RIMBP2: variants seen among roughly 807,000 people sequenced by gnomAD.
RIMBP2 encodes RIMS-binding protein 2.
In RIMBP2, 48 loss-of-function variants were observed where a neutral mutation model predicts 118.6. The ratio of observed to expected loss-of-function variants is 0.40; its 90% CI spans 0.32 to 0.51. RIMBP2 has a LOEUF of 0.51. RIMBP2 is among the 20% of genes least tolerant of loss of function. The pLI, the probability that RIMBP2 is intolerant of heterozygous loss-of-function variation, is 0.41. For missense variants in RIMBP2, 1,551 were observed against 1,768.3 expected (o/e 0.88, Z 2.20); for synonymous variants, 762 against 742.9 (o/e 1.03, Z -0.42).
chr12:130,687,465 T>G (rs2065109013), intron 1 of RIMBP2, among the ~76,000 whole-genome samples: 8 of 152,160 alleles, frequency 5.3e-5, no homozygotes, highest in Admixed American at 5.2e-4. Context: ...GTATAATTAT[T>G]TTTATAAACT....
At chr12:130,522,450 T>C (rs1022325660) in intron 2 of RIMBP2, among the ~76,000 whole-genome samples, 4 of 152,354 alleles carry the variant, frequency 2.6e-5, no homozygotes, top group Non-Finnish European at 5.9e-5. Context: ...GGACGGGAAC[T>C]GGCCCTGACA....
intron 5 of RIMBP2, among the ~76,000 whole-genome samples, chr12:130,477,040 T>C (rs916593454): frequency 2.6e-5 from 4 of 152,202 alleles, no homozygotes; most frequent in Non-Finnish European, 4.4e-5. Flanking sequence ...AAAAACTACA[T>C]CAAAGCCTCT....
rs575686862 is a variant in RIMBP2, at chr12:130,434,611, G to A, written c.2253+123C>T. 71 of 1,034,962 alleles carry A rather than the reference G, an allele frequency of 6.9e-5. No homozygotes were observed. Among genetic ancestry groups the A allele is most frequent in the Middle Eastern group, 3.3e-4 (1 of 2,990 alleles). 64.1% of individuals were successfully genotyped at this position (1,034,962 alleles called of 1,614,324 possible). A position where few individuals can be genotyped will look rare whatever the true frequency, so the allele number is the denominator to read the frequency against. On this transcript the variant is annotated intron_variant, in intron 14 of 22. Coordinates refer to ENST00000690449, the MANE Select transcript of RIMBP2 (RefSeq NM_001393629.1). This position sits in a 1 kb window ranked among gnomAD's most constrained non-coding sequence, Gnocchi z 5.7. ...GCACGACTTAGGACCCCAGCTGGGCGTCTCCATCTCTCTCAGGGACCCAAG... is the reference window on the plus strand; with the variant it reads ...GCACGACTTAGGACCCCAGCTGGGCATCTCCATCTCTCTCAGGGACCCAAG...
rs1280640928 is a variant in RIMBP2, at chr12:130,475,264, G to A, written c.102+3648C>T. ...CGTGCTTCTCCCGACCGCCATGCAGGGCAGGAGGACAGGTGGAGCTGCCTG... is the reference window on the plus strand; with the variant it reads ...CGTGCTTCTCCCGACCGCCATGCAGAGCAGGAGGACAGGTGGAGCTGCCTG... On this transcript the variant is annotated intron_variant, in intron 5 of 22. Coordinates refer to ENST00000690449, the MANE Select transcript of RIMBP2 (RefSeq NM_001393629.1). The surrounding 1 kb of genome is among the most constrained non-coding windows in gnomAD (Gnocchi z 4.1). 6.6e-6 allele frequency among the ~76,000 whole-genome samples: 1 copy of A among 152,208 alleles called. No individual in the cohort carries two copies. Among genetic ancestry groups the A allele is most frequent in the Non-Finnish European group, 1.5e-5 (1 of 68,046 alleles).
chr12:130,697,994 GC>G (rs2065654013), intron 1 of RIMBP2, among the ~76,000 whole-genome samples: 1 of 152,190 alleles, frequency 6.6e-6, no homozygotes. Flanking sequence ...AGGGATTTGA[GC>G]CGTCTTCAAC....
chr12:130,465,918 C>G (rs935611667), intron 6 of RIMBP2: 1 of 152,346 alleles, frequency 6.6e-6, no homozygotes, highest in Admixed American at 6.5e-5. Context: ...GAGTTCTGAG[C>G]TGACAGGAAG....
chr12:130,569,247 T>C (rs1248024885), intron 2 of RIMBP2, among the ~76,000 whole-genome samples: 1 of 152,192 alleles, frequency 6.6e-6, no homozygotes, highest in African/African-American at 2.4e-5. Flanking sequence ...GGTCACGACC[T>C]GAACGGCAGG....
chr12:130,558,769 T>G (rs981002627), intron 2 of RIMBP2, among the ~76,000 whole-genome samples: 2 of 152,212 alleles, frequency 1.3e-5, no homozygotes, highest in African/African-American at 2.4e-5. Context: ...GATGATGACC[T>G]GCTATGTCCA....
chr12:130,450,341 C>G lies in RIMBP2; in HGVS notation c.505-65G>C. 7.9e-7 allele frequency: 1 copy of G among 1,258,092 alleles called. No individual in the cohort carries two copies. The highest frequency in any genetic ancestry group is 1.1e-6 in the Non-Finnish European group (1 of 875,126). The allele number at this position is 1,258,092 out of a possible 1,614,324, so 77.9% of individuals were successfully genotyped here. A position where few individuals can be genotyped will look rare whatever the true frequency, so the allele number is the denominator to read the frequency against. ...GAGGTGTCCCACCCCATTCCCGCGG[C>G]ACACGGGAAAGCCCCTCGCAGCTTC... On this transcript the variant is annotated intron_variant, in intron 8 of 22. Coordinates refer to ENST00000690449, the MANE Select transcript of RIMBP2 (RefSeq NM_001393629.1). This position sits in a 1 kb window ranked among gnomAD's most constrained non-coding sequence, Gnocchi z 4.8.
chr12:130,572,893 G>A (rs2057792106), intron 2 of RIMBP2, among the ~76,000 whole-genome samples: 1 of 152,156 alleles, frequency 6.6e-6, no homozygotes, highest in South Asian at 2.1e-4. Context: ...GGTAGGAGCA[G>A]GGTCAGGAGG....
chr12:130,606,368 A>T (rs2060186956), intron 2 of RIMBP2, among the ~76,000 whole-genome samples: 1 of 152,208 alleles, frequency 6.6e-6, no homozygotes, highest in Admixed American at 6.5e-5. Context: ...TAGGCCATAA[A>T]AAAGGAAGCA....
chr12:130,688,812 C>T lies in RIMBP2; in HGVS notation c.-352+27410G>A, dbSNP rs888089102. Among the ~76,000 whole-genome samples the T allele has an allele frequency of 2.6e-5, 4 of 152,376 alleles. No homozygotes were observed. Among genetic ancestry groups the T allele is most frequent in the Admixed American group, 2.0e-4 (3 of 15,314 alleles). On this transcript the variant is annotated intron_variant, in intron 1 of 22. Transcript: ENST00000690449. The surrounding 1 kb of genome is among the most constrained non-coding windows in gnomAD (Gnocchi z 4.7). ...CTCCTCCGGCCCCCAATTCCAACTG[C>T]TCAGCTGAAACGTTTCGAACCAAGT...
intron 1 of RIMBP2, among the ~76,000 whole-genome samples, chr12:130,659,368 G>A (rs577536015): frequency 5.9e-4 from 89 of 151,524 alleles, no homozygotes; most frequent in African/African-American, 1.9e-3. Context: ...TCAGGAGATC[G>A]AGACCATCCT....
chr12:130,581,803 A>G lies in RIMBP2; in HGVS notation c.-217+46519T>C, dbSNP rs972350566. On this transcript the variant is annotated intron_variant, in intron 2 of 22. Coordinates refer to ENST00000690449, the MANE Select transcript of RIMBP2 (RefSeq NM_001393629.1). The surrounding 1 kb of genome is among the most constrained non-coding windows in gnomAD (Gnocchi z 4.4). ...TACTCCCCATTAGTAAGCTGTCAAC[A>G]TGGTGGCCAGAAGTCACAACACCAA... Among the ~76,000 whole-genome samples, 2 of 152,338 alleles carry G rather than the reference A, an allele frequency of 1.3e-5. No homozygotes were observed. Among genetic ancestry groups the G allele is most frequent in the South Asian group, 2.1e-4 (1 of 4,830 alleles).
intron 1 of RIMBP2, among the ~76,000 whole-genome samples, chr12:130,671,624 A>G (rs939913817): frequency 5.3e-5 from 8 of 152,102 alleles, no homozygotes; most frequent in Non-Finnish European, 1.0e-4. Context: ...GGGCTGCCTC[A>G]TCTGTTGCAC....
At chr12:130,663,266 GAC>G (rs2063737896) in intron 1 of RIMBP2, among the ~76,000 whole-genome samples, 1 of 152,148 alleles carries the variant, frequency 6.6e-6, no homozygotes, top group South Asian at 2.1e-4. Context: ...CCATCCTAAA[GAC>G]AGAGAGGAGA....
intron 14 of RIMBP2, among the ~76,000 whole-genome samples, chr12:130,430,858 T>C (rs2077107970): frequency 6.6e-6 from 1 of 152,142 alleles, no homozygotes; most frequent in Admixed American, 6.5e-5. Context: ...CTCAAACTCC[T>C]GACCTCAAGT....
rs546544825 is a variant in RIMBP2 at position 130,656,978 on chromosome 12, T to C, written c.-351-28522A>G. On this transcript the variant is annotated intron_variant, in intron 1 of 22. Coordinates refer to ENST00000690449, the MANE Select transcript of RIMBP2 (RefSeq NM_001393629.1). ...ATTAGTGTAATCATAGCTCACTGCA[T>C]TGAACTCCCAGGCTCAAGTGATCCT... Among the ~76,000 whole-genome samples the C allele has an allele frequency of 8.5e-5, 13 of 152,328 alleles. 1 individual carries two copies. The highest frequency in any genetic ancestry group is 2.6e-4 in the African/African-American group (11 of 41,584).
In RIMBP2 at chr12:130,493,005, C is replaced by A. The variant is rs115363783; in HGVS notation, c.-4+13643G>T. Among the ~76,000 whole-genome samples the A allele has an allele frequency of 3.3e-3, 501 of 152,194 alleles. 4 individuals are homozygous for A. The highest frequency in any genetic ancestry group is 0.011 in the African/African-American group (476 of 41,558). The stretch of plus-strand genomic sequence containing the variant: ...AATTAGCCAAATGTGGTGGCAAACA[C>A]CTGTAGTCCCAGCTATTCAGGGGAC... On this transcript the variant is annotated intron_variant, in intron 4 of 22. Transcript: ENST00000690449.
Sources: gnomAD v4.1 joint callset for allele counts (sites outside exome capture counted in the v4.1 genomes callset) on GRCh38, gnomAD v4.1.1 for gene constraint, Gnocchi (gnomAD v3.1) non-coding constraint, MANE v1.5 for transcripts, NCBI Gene and HGNC (gene_info 2026-07-23, HGNC 2026-07-21) for gene names.